Variants in ACOXL observed in about 807,000 individuals in gnomAD.
The protein encoded by ACOXL is acyl-CoA oxidase like.
A neutral mutation model predicts 71.9 loss-of-function variants in ACOXL; 70 were observed. That is an observed-to-expected ratio of 0.97 (90% CI 0.80 to 1.19). The LOEUF is 1.19. Ranked by LOEUF, ACOXL falls within the 50% of genes most tolerant of loss-of-function variation. The probability of loss-of-function intolerance (pLI) is 0.00; values close to 1 mark genes in which losing one functional copy is unlikely to be tolerated. For synonymous variants in ACOXL, 253 were observed against 281.6 expected, an observed-to-expected ratio of 0.90 and a Z score of 1.02; for missense variants, 703 against 736.3, an observed-to-expected ratio of 0.95 and a Z score of 0.52.
intron 12 of ACOXL, among the ~76,000 whole-genome samples, chr2:110,944,359 A>T (rs530298042): frequency 1.3e-5 from 2 of 150,882 alleles, no homozygotes; most frequent in East Asian, 1.9e-4. Flanking sequence ...TTTTTTTTTT[A>T]AACTTTTATT....
intron 14 of ACOXL, among the ~76,000 whole-genome samples, chr2:111,001,967 T>C (rs2063655157): frequency 6.6e-6 from 1 of 152,220 alleles, no homozygotes; most frequent in Non-Finnish European, 1.5e-5. Flanking sequence ...AGTCACGCCC[T>C]CATGGAGTGC....
At chr2:110,908,745 G>A (rs371966897) in intron 10 of ACOXL, 44 bp from the exon 11 acceptor site, 48 of 1,497,204 alleles carry the variant, frequency 3.2e-5, no homozygotes, top group Middle Eastern at 1.7e-4. Context: ...GTTACCTCCC[G>A]CTCCTGGATT....
intron 17 of ACOXL, chr2:111,100,308 T>C (rs546020566): frequency 2.0e-5 from 3 of 152,764 alleles, no homozygotes; most frequent in African/African-American, 4.8e-5. Context: ...CATGTGAGCA[T>C]GCAGGTGATG....
At chr2:111,045,605 CTCTCAGGTATG>C (rs3838222) in intron 15 of ACOXL, among the ~76,000 whole-genome samples, 57,631 of 151,844 alleles carry the variant, frequency 0.38, 11,132 homozygotes, top group African/African-American at 0.42. Flanking sequence ...AAATTACCCA[CTCTCAGGTATG>C]TCTTTATGAA....
rs370929936 is a variant in ACOXL, at chr2:110,768,508, G to A, written c.75+44G>A. The stretch of plus-strand genomic sequence containing the variant: ...CTGGTATGGTTGTGTGTGTGTGTGT[G>A]TGTGTGAGAGAGAGAGAGAGAGAGA... On this transcript the variant is annotated intron_variant, in intron 2 of 17. Transcript: ENST00000439055. 30 of 1,530,684 alleles carry A rather than the reference G, an allele frequency of 2.0e-5. No homozygotes were observed. In the African/African-American group the frequency reaches 3.7e-4, roughly 19 times the overall value. 94.8% of individuals were successfully genotyped at this position (1,530,684 alleles called of 1,614,324 possible).
intron 12 of ACOXL, among the ~76,000 whole-genome samples, chr2:110,952,958 A>G (rs1239926644): frequency 6.6e-6 from 1 of 152,346 alleles, no homozygotes; most frequent in East Asian, 1.9e-4. Context: ...TAATTTCCAT[A>G]GTGACTTTAT....
At chr2:111,000,499 A>T (rs2063575734) in intron 14 of ACOXL, among the ~76,000 whole-genome samples, 1 of 152,220 alleles carries the variant, frequency 6.6e-6, no homozygotes, top group African/African-American at 2.4e-5. Context: ...GGCTTCTGTG[A>T]CAAACCACCA....
intron 9 of ACOXL, among the ~76,000 whole-genome samples, chr2:110,827,396 C>T (rs1689291842): frequency 6.6e-6 from 1 of 152,142 alleles, no homozygotes; most frequent in African/African-American, 2.4e-5. Context: ...AATGAGCTGG[C>T]ATGTGGCGGG....
intron 16 of ACOXL, among the ~76,000 whole-genome samples, chr2:111,066,102 A>T (rs1421864455): frequency 1.3e-5 from 2 of 152,236 alleles, no homozygotes; most frequent in East Asian, 3.8e-4. Flanking sequence ...CTTTGTTCAG[A>T]ATAACAAAAA....
intron 12 of ACOXL, among the ~76,000 whole-genome samples, chr2:110,938,980 A>C (rs2060770501): frequency 6.6e-6 from 1 of 152,266 alleles, no homozygotes; most frequent in Non-Finnish European, 1.5e-5. Flanking sequence ...TTGACAGCTC[A>C]TTTGTTGGGG....
At chr2:110,980,688 G>A (rs1375240450) in intron 12 of ACOXL, among the ~76,000 whole-genome samples, 1 of 152,140 alleles carries the variant, frequency 6.6e-6, no homozygotes, top group Non-Finnish European at 1.5e-5. Flanking sequence ...CAAAGCGCCT[G>A]GATAAAGGCA....
chr2:110,981,337 G>A (rs1408279568), intron 12 of ACOXL, among the ~76,000 whole-genome samples: 2 of 152,168 alleles, frequency 1.3e-5, no homozygotes, highest in African/African-American at 2.4e-5. Flanking sequence ...CTGCCTGGGC[G>A]ACAGAGTGAA....
At chr2:110,916,668 C>G (rs2059872521) in intron 11 of ACOXL, among the ~76,000 whole-genome samples, 1 of 151,634 alleles carries the variant, frequency 6.6e-6, no homozygotes, top group African/African-American at 2.4e-5. Context: ...GCTAGCCAGA[C>G]TAATAAAGAA....
At chr2:110,783,270 T>C (rs1291965275) in intron 2 of ACOXL, among the ~76,000 whole-genome samples, 1 of 152,180 alleles carries the variant, frequency 6.6e-6, no homozygotes, top group African/African-American at 2.4e-5. Context: ...TAAAAGAGTC[T>C]GCAACTATCT....
chr2:111,019,963 C>T (rs4848369), intron 14 of ACOXL, among the ~76,000 whole-genome samples: 24,971 of 152,090 alleles, frequency 0.16, 2,952 homozygotes, highest in African/African-American at 0.32. Context: ...CCGGTTCAAG[C>T]GATTCTCCTG....
intron 10 of ACOXL, among the ~76,000 whole-genome samples, chr2:110,893,617 G>T (rs1468482087): frequency 6.6e-6 from 1 of 151,982 alleles, no homozygotes; most frequent in Non-Finnish European, 1.5e-5. Context: ...TTTACCCTAA[G>T]GAAATAATCA....
chr2:110,798,476 T>C (rs1685543635), intron 5 of ACOXL, 134 bp from the exon 6 acceptor site: 7 of 636,318 alleles, frequency 1.1e-5, no homozygotes, highest in South Asian at 5.3e-5. Flanking sequence ...CAGGATGGTC[T>C]CGATCTCCTG....
chr2:110,884,469 G>A (rs1697055616), intron 10 of ACOXL, among the ~76,000 whole-genome samples: 1 of 152,052 alleles, frequency 6.6e-6, no homozygotes, highest in South Asian at 2.1e-4. Flanking sequence ...TTTTACCAAA[G>A]TTGCATATTT....
At chr2:111,105,345 A>G (rs999181390) in intron 17 of ACOXL, among the ~76,000 whole-genome samples, 1 of 152,084 alleles carries the variant, frequency 6.6e-6, no homozygotes, top group Non-Finnish European at 1.5e-5. Context: ...TTTTAGGATA[A>G]TCTTGCCTAT....
Sources: allele counts gnomAD v4.1 joint callset (sites outside exome capture counted in the v4.1 genomes callset), GRCh38; gene constraint gnomAD v4.1.1; transcripts MANE v1.5; gene names NCBI Gene and HGNC (gene_info 2026-07-23, HGNC 2026-07-21).